ADARB2: variants seen among roughly 807,000 people sequenced by gnomAD.
ADARB2 encodes the protein adenosine deaminase RNA specific B2 (inactive).
ADARB2 carries 25 observed loss-of-function variants against 62.2 expected under a neutral mutation model. The observed-to-expected ratio is 0.40, with a 90% CI of 0.29 to 0.56. The LOEUF (loss-of-function observed/expected upper bound fraction) is 0.56, where lower values mean the gene tolerates loss of function less well. Among genes scored for constraint, ADARB2 ranks in the 20% least tolerant of loss-of-function variants. The pLI is 0.43. For synonymous variants in ADARB2, 572 were observed against 500.8 expected (o/e 1.14, Z -1.90); for missense variants, 1,071 against 1,077.4 (o/e 0.99, Z 0.08).
At chr10:1,655,191 C>T (rs1834159002) in intron 1 of ADARB2, among the ~76,000 whole-genome samples, 1 of 152,220 alleles carries the variant, frequency 6.6e-6, no homozygotes, top group Non-Finnish European at 1.5e-5. Flanking sequence ...CCCTTGGCTG[C>T]TGAACCTGCC....
chr10:1,525,201 T>G (rs1832125475), intron 1 of ADARB2, among the ~76,000 whole-genome samples: 1 of 152,176 alleles, frequency 6.6e-6, no homozygotes, highest in African/African-American at 2.4e-5. Context: ...TTTGTATGTT[T>G]GGGGGAGGAG....
chr10:1,218,888 C>CA (rs1205868356), intron 6 of ADARB2, among the ~76,000 whole-genome samples: 7,029 of 141,610 alleles, frequency 0.05, 459 homozygotes, highest in African/African-American at 0.16. Context: ...ACTAAAAATA[C>CA]AAAAAAAAAA....
intron 1 of ADARB2, among the ~76,000 whole-genome samples, chr10:1,523,616 C>T (rs1163404971): frequency 6.6e-6 from 1 of 152,204 alleles, no homozygotes; most frequent in Admixed American, 6.5e-5. Flanking sequence ...ATTAAAATAA[C>T]TTTATTCCAA....
At chr10:1,588,665 C>T (rs547458792) in intron 1 of ADARB2, among the ~76,000 whole-genome samples, 14 of 152,232 alleles carry the variant, frequency 9.2e-5, no homozygotes, top group Non-Finnish European at 1.3e-4. Context: ...AAAGTGGGTT[C>T]GACAGCCAGA....
chr10:1,231,776 G>A (rs1995852), intron 6 of ADARB2, among the ~76,000 whole-genome samples: 25,572 of 152,052 alleles, frequency 0.17, 2,340 homozygotes, highest in East Asian at 0.28. Context: ...ACAGAGAACC[G>A]TATCCAGCCA....
intron 3 of ADARB2, among the ~76,000 whole-genome samples, chr10:1,275,478 C>T (rs562267764): frequency 2.4e-4 from 36 of 152,210 alleles, no homozygotes; most frequent in Non-Finnish European, 4.4e-4. Flanking sequence ...CACACATTCC[C>T]GACTCCACAG....
intron 1 of ADARB2, among the ~76,000 whole-genome samples, chr10:1,702,403 G>A (rs1177269097): frequency 6.6e-6 from 1 of 152,212 alleles, no homozygotes; most frequent in African/African-American, 2.4e-5. Context: ...GAGGGAAGAT[G>A]AAGGAAGAGG....
At chr10:1,302,584 C>G (rs2131818237) in intron 3 of ADARB2, among the ~76,000 whole-genome samples, 1 of 152,216 alleles carries the variant, frequency 6.6e-6, no homozygotes, top group East Asian at 1.9e-4. Flanking sequence ...AGGGCACAGA[C>G]AAACAAAAAG....
At chr10:1,724,122 A>G (rs1564205100) in intron 1 of ADARB2, among the ~76,000 whole-genome samples, 2 of 152,278 alleles carry the variant, frequency 1.3e-5, no homozygotes, top group South Asian at 2.1e-4. Context: ...TGGGGTCTTT[A>G]AAGAGGTGCG....
intron 2 of ADARB2, among the ~76,000 whole-genome samples, chr10:1,376,359 A>G (rs1370200417): frequency 7.2e-5 from 11 of 152,226 alleles, no homozygotes; most frequent in Non-Finnish European, 1.5e-4. Flanking sequence ...CTAAGTTTCT[A>G]CCCATTAGCA....
intron 1 of ADARB2, among the ~76,000 whole-genome samples, chr10:1,524,697 G>T (rs1300531911): frequency 6.6e-6 from 1 of 152,132 alleles, no homozygotes; most frequent in Non-Finnish European, 1.5e-5. Flanking sequence ...ACAGCCCGGT[G>T]GCTGCCCGGG....
intron 1 of ADARB2, among the ~76,000 whole-genome samples, chr10:1,659,761 G>GT (rs1441550315): frequency 6.6e-6 from 1 of 150,838 alleles, no homozygotes; most frequent in African/African-American, 2.4e-5. Flanking sequence ...CTCTCCTCCA[G>GT]TGTCCTGTGA....
Position 1,652,457 on chromosome 10 carries a change from G to T in ADARB2, c.100+84594C>A, listed in dbSNP as rs146209699. The stretch of plus-strand genomic sequence containing the variant: ...TCCCACTTCCTTTCCAGAGCTCGGG[G>T]CTCACCTTTTGGATTCTGTCCTCCT... On this transcript the variant is annotated intron_variant, in intron 1 of 9. Coordinates refer to ENST00000381312, the MANE Select transcript of ADARB2 (RefSeq NM_018702.4). Among the ~76,000 whole-genome samples, 31 of 152,278 alleles carry T rather than the reference G, an allele frequency of 2.0e-4. No homozygotes were observed. The East Asian group carries it at 5.8e-3, about 28-fold the overall frequency.
chr10:1,653,539 C>T (rs117389972), intron 1 of ADARB2, among the ~76,000 whole-genome samples: 4,650 of 128,064 alleles, frequency 0.036, 96 homozygotes, highest in Middle Eastern at 0.063. Flanking sequence ...CCAGACGCCT[C>T]GTGTGCCTGC....
intron 1 of ADARB2, among the ~76,000 whole-genome samples, chr10:1,608,987 G>A (rs55739788): frequency 0.16 from 24,325 of 152,156 alleles, 2,331 homozygotes; most frequent in Non-Finnish European, 0.22. Flanking sequence ...ATCCTCTTGA[G>A]GCTGCCCCTG....
In ADARB2 at chr10:1,353,984, T is replaced by A. The variant is rs113924318; in HGVS notation, c.1077+9044A>T. On this transcript the variant is annotated intron_variant, in intron 3 of 9. Coordinates refer to ENST00000381312, the MANE Select transcript of ADARB2 (RefSeq NM_018702.4). ...TCGTAGACACTCGAACAAAACCGTA[T>A]CCAGGCCATCACCAATAATTCTACA... is the stretch of plus-strand genomic sequence containing the variant. Among the ~76,000 whole-genome samples the A allele has an allele frequency of 6.5e-3, 987 of 152,246 alleles. 15 individuals carry two copies. The highest frequency in any genetic ancestry group is 0.022 in the African/African-American group (926 of 41,530).
Position 1,200,057 on chromosome 10 carries a change from G to A in ADARB2, c.1773C>T (p.His591=). ...LQSIVVGSLH[H]TGHLARVMSH... ...TCATGACGCGTGCGAGGTGGCCCGT[G>A]TGGTGCAGGCTGCCCACCACGATGC... The change falls in exon 8 of 10, where the codon CAC becomes CAT. Residue 591 remains histidine (H), a synonymous_variant. Coordinates refer to ENST00000381312, the MANE Select transcript of ADARB2 (RefSeq NM_018702.4). 2 of 1,592,748 alleles carry A rather than the reference G, an allele frequency of 1.3e-6. No individual in the cohort carries two copies. The highest frequency in any genetic ancestry group is 1.7e-6 in the Non-Finnish European group (2 of 1,173,098).
intron 1 of ADARB2, among the ~76,000 whole-genome samples, chr10:1,531,198 C>T (rs968010122): frequency 2.6e-5 from 4 of 152,186 alleles, no homozygotes; most frequent in Admixed American, 2.0e-4. Context: ...GGCAGAGTAA[C>T]CACGGAATGA....
Position 1,182,255 on chromosome 10 carries a change from T to C in ADARB2, c.*938A>G, listed in dbSNP as rs948921952. The C allele has an allele frequency of 3.9e-5, 6 of 152,292 alleles. No individual in the cohort carries two copies. The highest frequency in any genetic ancestry group is 1.4e-4 in the African/African-American group (6 of 41,464). 9.4% of individuals were successfully genotyped at this position (152,292 alleles called of 1,614,324 possible). ...ACCTGGTAGGGAGGTTATAGGGTGG[T>C]AGCTAACCCTTACACAACCCAGACC... On this transcript the variant is annotated 3_prime_UTR_variant, in exon 10 of 10. Transcript: ENST00000381312.
Sources: allele counts gnomAD v4.1 joint callset (sites outside exome capture counted in the v4.1 genomes callset), GRCh38; gene constraint gnomAD v4.1.1; transcripts MANE v1.5; gene names NCBI Gene and HGNC (gene_info 2026-07-23, HGNC 2026-07-21).